The following TTC7B variants were observed in gnomAD, a reference collection of about 807,000 sequenced individuals.
The protein encoded by TTC7B is tetratricopeptide repeat protein 7B.
Under a neutral mutation model 106.8 loss-of-function variants are expected in TTC7B, and 28 were observed. The observed-to-expected ratio is 0.26, with a 90% CI of 0.19 to 0.36. The LOEUF is 0.36. Ranked by LOEUF, TTC7B falls within the 10% of genes least tolerant of loss-of-function variation. TTC7B has a pLI of 1.00. For missense variants in TTC7B, 862 were observed against 1,076.4 expected (o/e 0.80, Z 2.79); for synonymous variants, 405 against 430.6 (o/e 0.94, Z 0.74).
At chr14:90,617,528 G>A (rs1375464333) in intron 16 of TTC7B, among the ~76,000 whole-genome samples, 1 of 152,178 alleles carries the variant, frequency 6.6e-6, no homozygotes, top group African/African-American at 2.4e-5. Context: ...GCGGCCTGAT[G>A]TCTGTGCAGG....
intron 5 of TTC7B, among the ~76,000 whole-genome samples, chr14:90,723,763 T>A (rs1888983740): frequency 6.6e-6 from 1 of 152,204 alleles, no homozygotes; most frequent in South Asian, 2.1e-4. Flanking sequence ...CAATTTGTAA[T>A]TATATATGAC....
intron 19 of TTC7B, among the ~76,000 whole-genome samples, 178 bp from the exon 20 acceptor site, chr14:90,541,767 C>T (rs926727177): frequency 2.0e-5 from 3 of 152,178 alleles, no homozygotes; most frequent in Non-Finnish European, 4.4e-5. Flanking sequence ...TCAAAATAGT[C>T]GCCAAGCTGA....
intron 4 of TTC7B, among the ~76,000 whole-genome samples, chr14:90,739,756 ACTC>A (rs932065307): frequency 2.8e-4 from 43 of 152,208 alleles, no homozygotes; most frequent in African/African-American, 9.9e-4. Context: ...CCCTGGCTCT[ACTC>A]CTGCTCAAGA....
chr14:90,629,357 G>A (rs913746842), intron 15 of TTC7B, among the ~76,000 whole-genome samples: 10 of 151,848 alleles, frequency 6.6e-5, no homozygotes, highest in African/African-American at 2.2e-4. Flanking sequence ...ACAGCTGGCT[G>A]GGTAACCAGC....
At chr14:90,709,438 A>G (rs1326664862) in intron 5 of TTC7B, among the ~76,000 whole-genome samples, 4 of 150,438 alleles carry the variant, frequency 2.7e-5, no homozygotes, top group Non-Finnish European at 5.9e-5. Context: ...TCACAAGGAC[A>G]AAAAACCAAA....
chr14:90,535,482 A>C lies in TTC7B; in HGVS notation c.*5886T>G. ...GCTGCTGCTGCTCTGGGGAACCACC[A>C]GGCCCCCAGCCAAGGCAGCCCCCCT... is the stretch of plus-strand genomic sequence containing the variant. On this transcript the variant is annotated 3_prime_UTR_variant, in exon 20 of 20. Coordinates refer to ENST00000328459, the MANE Select transcript of TTC7B (RefSeq NM_001010854.2). 6.5e-6 allele frequency: 1 copy of C among 153,018 alleles called. No homozygotes were observed. Among genetic ancestry groups the C allele is most frequent in the Non-Finnish European group, 1.5e-5 (1 of 68,656 alleles). 9.5% of individuals were successfully genotyped at this position (153,018 alleles called of 1,614,324 possible).
rs1398972387 is a variant in TTC7B at position 90,532,870 on chromosome 14, G to GTGCCTTCC, written c.*8490_*8497dup. 10 of 152,212 alleles carry GTGCCTTCC rather than the reference G, an allele frequency of 6.6e-5. No individual in the cohort carries two copies. The highest frequency in any genetic ancestry group is 2.4e-4 in the African/African-American group (10 of 41,414). 9.4% of individuals were successfully genotyped at this position (152,212 alleles called of 1,614,324 possible). On this transcript the variant is annotated 3_prime_UTR_variant, in exon 20 of 20. Transcript: ENST00000328459. Reference sequence around the variant, plus strand: ...TGGGGAGGTCATTTTCCTGGTAGCTGTGCCTTCCTGGGTACTGCTGAATGG... The same window carrying GTGCCTTCC: ...TGGGGAGGTCATTTTCCTGGTAGCTGTGCCTTCCTGCCTTCCTGGGTACTGCTGAATGG...
At chr14:90,609,449 C>T (rs1892788988) in intron 17 of TTC7B, among the ~76,000 whole-genome samples, 1 of 152,202 alleles carries the variant, frequency 6.6e-6, no homozygotes, top group Admixed American at 6.5e-5. Flanking sequence ...TGGGGTGGGC[C>T]AGGCTTGAAC....
chr14:90,627,040 G>A (rs900021051), intron 15 of TTC7B, among the ~76,000 whole-genome samples: 3 of 152,040 alleles, frequency 2.0e-5, no homozygotes, highest in African/African-American at 4.8e-5. Flanking sequence ...AGGCTAAAGT[G>A]CAGTGGCTCG....
intron 3 of TTC7B, among the ~76,000 whole-genome samples, chr14:90,774,205 G>A (rs945667681): frequency 2.0e-5 from 3 of 152,182 alleles, no homozygotes; most frequent in African/African-American, 7.2e-5. Context: ...CCAGGACAAT[G>A]ACAGTCTGTA....
intron 19 of TTC7B, among the ~76,000 whole-genome samples, chr14:90,568,486 C>T (rs917522275): frequency 1.3e-5 from 2 of 152,136 alleles, no homozygotes; most frequent in Non-Finnish European, 2.9e-5. Flanking sequence ...AGACAGAAAA[C>T]AGAAATAAAC....
At chr14:90,758,255 C>T (rs2140013900) in intron 3 of TTC7B, among the ~76,000 whole-genome samples, 1 of 146,216 alleles carries the variant, frequency 6.8e-6, no homozygotes, top group South Asian at 2.3e-4. Context: ...TCCCGGTGGC[C>T]GCGGCAGGAA....
At chr14:90,812,847 C>A (rs1401674373) in intron 1 of TTC7B, among the ~76,000 whole-genome samples, 1 of 152,222 alleles carries the variant, frequency 6.6e-6, no homozygotes, top group Non-Finnish European at 1.5e-5. Context: ...TAAACCAATT[C>A]ATCTCAAAGG....
At position 90,532,548 on chromosome 14, in the gene TTC7B, A is replaced by T. The variant is rs1255344951; in HGVS notation, c.*8820T>A. 4 of 152,186 alleles carry T rather than the reference A, an allele frequency of 2.6e-5. No individual in the cohort carries two copies. Among genetic ancestry groups the T allele is most frequent in the African/African-American group, 9.7e-5 (4 of 41,450 alleles). The allele number at this position is 152,186 out of a possible 1,614,324, so 9.4% of individuals were successfully genotyped here. A position where few individuals can be genotyped will look rare whatever the true frequency, so the allele number is the denominator to read the frequency against. ...CAGGGTGGGCACCTTCTTGTCACTC[A>T]ATGTCACTGTCTTACAGAGGTGTCC... On this transcript the variant is annotated 3_prime_UTR_variant, in exon 20 of 20. Coordinates refer to ENST00000328459, the MANE Select transcript of TTC7B (RefSeq NM_001010854.2).
chr14:90,617,694 C>T (rs1893141658), intron 16 of TTC7B, among the ~76,000 whole-genome samples: 1 of 152,192 alleles, frequency 6.6e-6, no homozygotes, highest in Admixed American at 6.5e-5. Context: ...TCCAGTGGGT[C>T]ACTATGGCAG....
intron 4 of TTC7B, among the ~76,000 whole-genome samples, chr14:90,739,530 C>T (rs981851265): frequency 2.0e-5 from 3 of 152,182 alleles, no homozygotes; most frequent in African/African-American, 4.8e-5. Flanking sequence ...GAACATAATC[C>T]ACTCAAGGCA....
chr14:90,721,891 G>C (rs184945300), intron 5 of TTC7B, among the ~76,000 whole-genome samples: 1 of 152,230 alleles, frequency 6.6e-6, no homozygotes, highest in Non-Finnish European at 1.5e-5. Flanking sequence ...ATCAATGTTT[G>C]TTGAATAATT....
intron 16 of TTC7B, among the ~76,000 whole-genome samples, chr14:90,616,688 A>AT (rs898837831): frequency 1.1e-3 from 162 of 150,822 alleles, no homozygotes; most frequent in Middle Eastern, 3.4e-3. Context: ...GACTTTGAAC[A>AT]TTTTTTTTTA....
intron 4 of TTC7B, among the ~76,000 whole-genome samples, chr14:90,741,389 G>A (rs149621026): frequency 6.6e-6 from 1 of 152,098 alleles, no homozygotes; most frequent in Non-Finnish European, 1.5e-5. Context: ...AAAGTTAAAC[G>A]CCAGGACTAA....
Sources: allele counts gnomAD v4.1 joint callset (sites outside exome capture counted in the v4.1 genomes callset), GRCh38; gene constraint gnomAD v4.1.1; transcripts MANE v1.5; gene names NCBI Gene and HGNC (gene_info 2026-07-23, HGNC 2026-07-21).